PRR16: variants seen among roughly 807,000 people sequenced by gnomAD.
PRR16 encodes the protein proline rich 16, also known as protein Largen.
A neutral mutation model predicts 18.2 loss-of-function variants in PRR16; 6 were observed. The observed-to-expected ratio is 0.33, with a 90% confidence interval of 0.18 to 0.65. PRR16 has a LOEUF of 0.65. Ranked by LOEUF, PRR16 falls within the 30% of genes least tolerant of loss-of-function variation. The pLI, the probability that PRR16 is intolerant of heterozygous loss-of-function variation, is 0.74. For synonymous variants in PRR16, 151 were observed against 147.8 expected, an observed-to-expected ratio of 1.02 and a Z score of -0.16; for missense variants, 412 against 376.6, an observed-to-expected ratio of 1.09 and a Z score of -0.78.
At chr5:120,485,692 A>C (rs1388147770) in intron 1 of PRR16, among the ~76,000 whole-genome samples, 5 of 152,146 alleles carry the variant, frequency 3.3e-5, no homozygotes, top group Admixed American at 1.3e-4. Flanking sequence ...GTACATGTGC[A>C]CAACGTGCAG....
At chr5:120,530,431 C>G (rs1751514768) in intron 1 of PRR16, among the ~76,000 whole-genome samples, 1 of 151,292 alleles carries the variant, frequency 6.6e-6, no homozygotes, top group Non-Finnish European at 1.5e-5. Flanking sequence ...CTTCTGATTT[C>G]TCCTCTCTTT....
At chr5:120,655,996 A>G (rs1246062395) in intron 1 of PRR16, among the ~76,000 whole-genome samples, 1 of 151,756 alleles carries the variant, frequency 6.6e-6, no homozygotes, top group Non-Finnish European at 1.5e-5. Flanking sequence ...CCTGTTTTAT[A>G]TTTTAGACAG....
the PRR16 span, among the ~76,000 whole-genome samples, chr5:120,776,988 T>C: frequency 6.6e-6 from 1 of 152,162 alleles, no homozygotes; most frequent in East Asian, 1.9e-4. Flanking sequence ...GTGATCTGAA[T>C]TAAATTCAGA....
chr5:120,591,260 G>T (rs780525818), intron 1 of PRR16, among the ~76,000 whole-genome samples: 1 of 151,946 alleles, frequency 6.6e-6, no homozygotes, highest in Non-Finnish European at 1.5e-5. Flanking sequence ...GCCTGGGTGA[G>T]AGTGCGAGAC....
the PRR16 span, among the ~76,000 whole-genome samples, chr5:120,733,014 T>C: frequency 6.6e-6 from 1 of 152,128 alleles, no homozygotes; most frequent in Non-Finnish European, 1.5e-5. Context: ...CCTGACAAAA[T>C]GGAATGGAAG....
At chr5:120,712,686 C>G in the PRR16 span, among the ~76,000 whole-genome samples, 2 of 151,918 alleles carry the variant, frequency 1.3e-5, no homozygotes, top group South Asian at 2.1e-4. Context: ...AGAAGACATA[C>G]AAATGAAAAA....
At chr5:120,635,533 G>T (rs1228869444) in intron 1 of PRR16, among the ~76,000 whole-genome samples, 3 of 152,088 alleles carry the variant, frequency 2.0e-5, no homozygotes, top group Non-Finnish European at 4.4e-5. Context: ...GATCATCTCA[G>T]TAGATGTATT....
At chr5:120,547,219 A>T (rs1277608372) in intron 1 of PRR16, among the ~76,000 whole-genome samples, 1 of 152,018 alleles carries the variant, frequency 6.6e-6, no homozygotes, top group Non-Finnish European at 1.5e-5. Context: ...TCAGAACCAG[A>T]AAAAAAGTGA....
chr5:120,759,481 T>C, the PRR16 span, among the ~76,000 whole-genome samples: 1 of 152,064 alleles, frequency 6.6e-6, no homozygotes, highest in Non-Finnish European at 1.5e-5. Flanking sequence ...GCAGAAAATA[T>C]AGATACAGTA....
chr5:120,703,397 C>T, the PRR16 span, among the ~76,000 whole-genome samples: 86 of 152,318 alleles, frequency 5.6e-4, no homozygotes, highest in African/African-American at 2.0e-3. Flanking sequence ...TTGGCTTGGG[C>T]TCAGAGGCCT....
intron 1 of PRR16, among the ~76,000 whole-genome samples, chr5:120,519,863 A>G (rs1178538455): frequency 1.3e-5 from 2 of 152,092 alleles, no homozygotes; most frequent in Non-Finnish European, 2.9e-5. Context: ...AATAATTTTT[A>G]TGGGTTTTTT....
At chr5:120,525,610 C>CTTT (rs529926112) in intron 1 of PRR16, among the ~76,000 whole-genome samples, 7 of 129,092 alleles carry the variant, frequency 5.4e-5, no homozygotes, top group South Asian at 2.5e-4. Flanking sequence ...ATCAATATTG[C>CTTT]TTTTTTTTTT....
chr5:120,776,429 T>C, the PRR16 span, among the ~76,000 whole-genome samples: 6 of 152,210 alleles, frequency 3.9e-5, no homozygotes, highest in Non-Finnish European at 8.8e-5. Flanking sequence ...ATGGAAATTC[T>C]AGACTTTGCT....
the PRR16 span, among the ~76,000 whole-genome samples, chr5:120,775,051 G>A: frequency 1.6e-3 from 239 of 152,182 alleles, 2 homozygotes; most frequent in Admixed American, 2.8e-3. Context: ...TTAAAGGCAT[G>A]ACACTTACTA....
intron 1 of PRR16, among the ~76,000 whole-genome samples, chr5:120,470,181 T>A (rs1194730711): frequency 6.6e-6 from 1 of 152,106 alleles, no homozygotes; most frequent in Non-Finnish European, 1.5e-5. Flanking sequence ...AGATTTAGAG[T>A]AATAAAATTC....
chr5:120,567,141 A>G (rs1752763005), intron 1 of PRR16, among the ~76,000 whole-genome samples: 1 of 152,156 alleles, frequency 6.6e-6, no homozygotes, highest in African/African-American at 2.4e-5. Context: ...TCCTATGTCT[A>G]CCATCTCACA....
chr5:120,578,229 T>G (rs1042643873), intron 1 of PRR16, among the ~76,000 whole-genome samples: 9 of 152,206 alleles, frequency 5.9e-5, no homozygotes, highest in Admixed American at 3.3e-4. Context: ...CTATCTTATT[T>G]CCTCACTAAT....
the PRR16 span, among the ~76,000 whole-genome samples, chr5:120,710,097 G>A: frequency 6.5e-4 from 99 of 152,186 alleles, no homozygotes; most frequent in African/African-American, 2.2e-3. Flanking sequence ...TACCAACAGT[G>A]TATGAGCTTT....
intron 1 of PRR16, among the ~76,000 whole-genome samples, chr5:120,564,896 G>A (rs1017208107): frequency 6.6e-6 from 1 of 151,224 alleles, no homozygotes. Context: ...TGAGGCAGGA[G>A]AATGGCTTGA....
Sources: gnomAD v4.1 joint callset for allele counts (sites outside exome capture counted in the v4.1 genomes callset) on GRCh38, gnomAD v4.1.1 for gene constraint, MANE v1.5 for transcripts, NCBI Gene and HGNC (gene_info 2026-07-23, HGNC 2026-07-21) for gene names.